KCNIP4: variants seen among roughly 807,000 people sequenced by gnomAD.
The protein encoded by KCNIP4 is Kv channel-interacting protein 4.
Under a neutral mutation model 34.0 loss-of-function variants are expected in KCNIP4, and 12 were observed. The observed-to-expected ratio is 0.35, with a 90% confidence interval of 0.23 to 0.57. The LOEUF is 0.57. Among genes scored for constraint, KCNIP4 ranks in the 20% least tolerant of loss-of-function variants. The pLI, the probability that KCNIP4 is intolerant of heterozygous loss-of-function variation, is 0.83. For missense variants in KCNIP4, 238 were observed against 311.7 expected, an observed-to-expected ratio of 0.76 and a Z score of 1.78; for synonymous variants, 124 against 102.2, an observed-to-expected ratio of 1.21 and a Z score of -1.29.
intron 1 of KCNIP4, among the ~76,000 whole-genome samples, chr4:21,617,605 C>T (rs995406995): frequency 1.3e-5 from 2 of 152,118 alleles, no homozygotes; most frequent in Non-Finnish European, 2.9e-5. Flanking sequence ...GATTTTCCTG[C>T]TTTTTACTTT....
chr4:20,870,900 A>G (rs952179867), intron 2 of KCNIP4, among the ~76,000 whole-genome samples: 17 of 152,006 alleles, frequency 1.1e-4, no homozygotes, highest in South Asian at 2.1e-4. Flanking sequence ...TCTATTCTCT[A>G]AGGCTCATTT....
intron 1 of KCNIP4, among the ~76,000 whole-genome samples, chr4:21,287,318 A>G (rs1404004184): frequency 6.6e-6 from 1 of 152,202 alleles, no homozygotes; most frequent in East Asian, 1.9e-4. Flanking sequence ...TCCCAATAGA[A>G]TGTATTTATA....
At chr4:21,421,437 G>A (rs1725446423) in intron 1 of KCNIP4, among the ~76,000 whole-genome samples, 1 of 152,142 alleles carries the variant, frequency 6.6e-6, no homozygotes, top group Admixed American at 6.5e-5. Flanking sequence ...ATATTACTGA[G>A]CCTTTAAAAA....
chr4:21,366,992 G>C (rs968716843), intron 1 of KCNIP4, among the ~76,000 whole-genome samples: 1 of 152,120 alleles, frequency 6.6e-6, no homozygotes, highest in Non-Finnish European at 1.5e-5. Flanking sequence ...CATGAGATCA[G>C]GGTCTTTAAA....
chr4:21,157,137 T>C (rs1337996258), intron 1 of KCNIP4, among the ~76,000 whole-genome samples: 3 of 152,140 alleles, frequency 2.0e-5, no homozygotes, highest in Non-Finnish European at 4.4e-5. Flanking sequence ...ACAGTTAACA[T>C]CACCAGCTTT....
chr4:21,488,934 G>C (rs1732139549), intron 1 of KCNIP4, among the ~76,000 whole-genome samples: 1 of 152,070 alleles, frequency 6.6e-6, no homozygotes, highest in Admixed American at 6.5e-5. Context: ...ATTTTACAGG[G>C]TCCTTTGAGG....
At position 20,728,765 on chromosome 4, in the gene KCNIP4, T is replaced by TATCTC. The variant is rs1553880749; in HGVS notation, c.*1312_*1316dup. 6.6e-6 allele frequency: 1 copy of TATCTC among 152,544 alleles called. No individual in the cohort carries two copies. The highest frequency in any genetic ancestry group is 1.5e-5 in the Non-Finnish European group (1 of 68,006). The allele number at this position is 152,544 out of a possible 1,614,324, so 9.4% of individuals were successfully genotyped here. On this transcript the variant is annotated 3_prime_UTR_variant, in exon 9 of 9. Transcript: ENST00000382152. ...GATAGCAGGGCAGCTTTCAACATCCTATCTCTACACCAGAATAGATACCTG... is the reference window on the plus strand; with the variant it reads ...GATAGCAGGGCAGCTTTCAACATCCTATCTCATCTCTACACCAGAATAGATACCTG...
chr4:21,802,578 A>G (rs1285729442), intron 1 of KCNIP4, among the ~76,000 whole-genome samples: 2 of 152,188 alleles, frequency 1.3e-5, no homozygotes, highest in Non-Finnish European at 2.9e-5. Flanking sequence ...GGCTAACATC[A>G]GGTTTCCTGA....
intron 1 of KCNIP4, among the ~76,000 whole-genome samples, chr4:21,599,883 A>G (rs1742962034): frequency 6.6e-6 from 1 of 152,060 alleles, no homozygotes; most frequent in Admixed American, 6.6e-5. Flanking sequence ...AGTTGTAGGG[A>G]GTACTAAATA....
intron 1 of KCNIP4, among the ~76,000 whole-genome samples, chr4:21,616,079 AG>A (rs1350502334): frequency 6.6e-6 from 1 of 152,104 alleles, no homozygotes; most frequent in Non-Finnish European, 1.5e-5. Flanking sequence ...AAAACATACA[AG>A]GCCCTACAAG....
At chr4:21,257,877 G>A (rs971655641) in intron 1 of KCNIP4, among the ~76,000 whole-genome samples, 1 of 152,128 alleles carries the variant, frequency 6.6e-6, no homozygotes, top group African/African-American at 2.4e-5. Flanking sequence ...CTAAAACACT[G>A]CCAGACATAG....
intron 1 of KCNIP4, among the ~76,000 whole-genome samples, chr4:21,499,330 C>CAAAAAAAAAAAAAAAAAAAA (rs527385773): frequency 1.0e-5 from 1 of 98,248 alleles, no homozygotes; most frequent in African/African-American, 4.0e-5. Flanking sequence ...GACTCCATCT[C>CAAAAAAAAAAAAAAAAAAAA]AAAAAAAAAA....
chr4:21,206,942 T>C (rs1160095445), intron 1 of KCNIP4, among the ~76,000 whole-genome samples: 1 of 152,200 alleles, frequency 6.6e-6, no homozygotes, highest in Non-Finnish European at 1.5e-5. Flanking sequence ...TTTATGAGTG[T>C]ACTCATTGTC....
At chr4:21,487,914 T>C (rs2109851785) in intron 1 of KCNIP4, among the ~76,000 whole-genome samples, 1 of 152,272 alleles carries the variant, frequency 6.6e-6, no homozygotes, top group Middle Eastern at 3.4e-3. Flanking sequence ...TAATGATTCA[T>C]GTTCAACTTG....
At chr4:21,552,061 AACAAC>A (rs1449909491) in intron 1 of KCNIP4, among the ~76,000 whole-genome samples, 2 of 114,474 alleles carry the variant, frequency 1.7e-5, no homozygotes, top group South Asian at 3.8e-4. Context: ...AACAAAAAAC[AACAAC>A]AAAAAAAAAC....
At position 21,377,075 on chromosome 4, in the gene KCNIP4, T is replaced by C. The variant is rs934329461; in HGVS notation, c.62-494366A>G. Among the ~76,000 whole-genome samples, 6 of 152,212 alleles carry C rather than the reference T, an allele frequency of 3.9e-5. No homozygotes were observed. The South Asian group carries it at 8.3e-4, about 21-fold the overall frequency. On this transcript the variant is annotated intron_variant, in intron 1 of 8. Transcript: ENST00000382152. ...TAGAAAAATCATTTGCATTTTTACA[T>C]TTGTCTTCTCTGAATATGCAGGGCT... is the stretch of plus-strand genomic sequence containing the variant.
At chr4:21,418,808 T>C (rs1725189420) in intron 1 of KCNIP4, among the ~76,000 whole-genome samples, 1 of 152,174 alleles carries the variant, frequency 6.6e-6, no homozygotes, top group Admixed American at 6.5e-5. Context: ...GTGCTGATGT[T>C]CTTTGCTCAG....
chr4:21,666,065 G>A (rs576630023), intron 1 of KCNIP4, among the ~76,000 whole-genome samples: 47 of 152,302 alleles, frequency 3.1e-4, no homozygotes, highest in Admixed American at 2.3e-3. Flanking sequence ...GGATTTCTCT[G>A]TTGCTCCTGC....
intron 1 of KCNIP4, among the ~76,000 whole-genome samples, chr4:21,694,914 C>CAAAAAAAAAAAAAAAAAAAA (rs368053041): frequency 4.3e-5 from 2 of 46,508 alleles, no homozygotes; most frequent in African/African-American, 1.3e-4. Context: ...CACGATTGAC[C>CAAAAAAAAAAAAAAAAAAAA]AAAAAAAAAA....
Sources: gnomAD v4.1 joint callset for allele counts (sites outside exome capture counted in the v4.1 genomes callset) on GRCh38, gnomAD v4.1.1 for gene constraint, MANE v1.5 for transcripts, NCBI Gene and HGNC (gene_info 2026-07-23, HGNC 2026-07-21) for gene names.